Variants in ZNF587B observed in about 807,000 individuals in gnomAD.
The protein encoded by ZNF587B is zinc finger protein 587B.
In ZNF587B, 6 loss-of-function variants were observed where a neutral mutation model predicts 7.2. That is an observed-to-expected ratio of 0.83 (90% CI 0.46 to 1.65). The LOEUF is 1.65. Among genes scored for constraint, ZNF587B ranks in the 40% most tolerant of loss-of-function variants. The pLI, the probability that ZNF587B is intolerant of heterozygous loss-of-function variation, is 0.01. For synonymous variants in ZNF587B, 274 were observed against 254.3 expected, an observed-to-expected ratio of 1.08 and a Z score of -0.74; for missense variants, 749 against 761.0, an observed-to-expected ratio of 0.98 and a Z score of 0.19.
chr19:57,841,611 C>T lies in ZNF587B; in HGVS notation c.937C>T (p.Leu313Phe). 1 of 1,584,074 alleles carries T rather than the reference C, an allele frequency of 6.3e-7. No homozygotes were observed. The highest frequency in any genetic ancestry group is 2.3e-5 in the East Asian group (1 of 43,380). Residue 313 changes from leucine (L) to phenylalanine (F), a missense_variant, in exon 3 of 3, where the codon CTT becomes TTT. Physicochemically the swap from Leu to Phe is conservative, Grantham distance 22 (BLOSUM62 0). Transcript: ENST00000594901. ...CGKYFSLEGYLRRHQKVHAGK... is the reference protein window; with the variant it reads ...CGKYFSLEGYFRRHQKVHAGK... ...GAAATATTTTAGCTTAGAAGGATAT[C>T]TTAGGCGCCATCAAAAAGTTCACGC...
chr19:57,845,697 C>A lies in ZNF587B; in HGVS notation c.*3121C>A, dbSNP rs891606063. 2.0e-5 allele frequency: 3 copies of A among 152,236 alleles called. No homozygotes were observed. The highest frequency in any genetic ancestry group is 4.8e-5 in the African/African-American group (2 of 41,464). 9.4% of individuals were successfully genotyped at this position (152,236 alleles called of 1,614,324 possible). On this transcript the variant is annotated 3_prime_UTR_variant, in exon 3 of 3. Coordinates refer to ENST00000594901, the MANE Select transcript of ZNF587B (RefSeq NM_001376223.1). ...AATGATGGCAAATCTGTATTTTTCT[C>A]TTAAACCGTGTTATAAAAGCTGTAA... is the stretch of plus-strand genomic sequence containing the variant.
chr19:57,830,745 T>TTGC (rs397831297), intron 1 of ZNF587B, among the ~76,000 whole-genome samples, 181 bp downstream of exon 1: 1 of 151,596 alleles, frequency 6.6e-6, no homozygotes, highest in Non-Finnish European at 1.5e-5. Context: ...ATAGTCACTG[T>TTGC]ACCTGAGCGA....
intron 1 of ZNF587B, 34 bp downstream of exon 1, chr19:57,830,598 C>T (rs776202870): frequency 1.3e-6 from 2 of 1,548,474 alleles, no homozygotes; most frequent in Middle Eastern, 1.7e-4. Flanking sequence ...CTCAGGTCAC[C>T]TCATCATCAC....
chr19:57,843,448 A>G lies in ZNF587B; in HGVS notation c.*872A>G. The stretch of plus-strand genomic sequence containing the variant: ...GACTGCCACTTATCTGGCAAAAGCC[A>G]TTACATCTCAGCTACTTGGTAGGTA... On this transcript the variant is annotated 3_prime_UTR_variant, in exon 3 of 3. Transcript: ENST00000594901. The G allele has an allele frequency of 1.0e-6, 1 of 985,312 alleles. No homozygotes were observed. Among genetic ancestry groups the G allele is most frequent in the Non-Finnish European group, 1.2e-6 (1 of 829,930 alleles). 61.0% of individuals were successfully genotyped at this position (985,312 alleles called of 1,614,324 possible).
rs937811052 is a variant in ZNF587B, at chr19:57,845,964, T to A, written c.*3388T>A. ...GCCTGGGTGATAGAGTGAGACCCCA[T>A]CTTAAAAATAAAATAAAGATATAAA... On this transcript the variant is annotated 3_prime_UTR_variant, in exon 3 of 3. Coordinates refer to ENST00000594901, the MANE Select transcript of ZNF587B (RefSeq NM_001376223.1). 1 of 152,062 alleles carries A rather than the reference T, an allele frequency of 6.6e-6. No individual in the cohort carries two copies. Among genetic ancestry groups the A allele is most frequent in the African/African-American group, 2.4e-5 (1 of 41,418 alleles). The allele number at this position is 152,062 out of a possible 1,614,324, so 9.4% of individuals were successfully genotyped here.
intron 1 of ZNF587B, among the ~76,000 whole-genome samples, chr19:57,831,708 A>T (rs929424278): frequency 7.5e-4 from 104 of 138,110 alleles, no homozygotes; most frequent in East Asian, 4.2e-3. Context: ...TTATTTATTT[A>T]TTTTTTTTTT....
chr19:57,843,594 T>G lies in ZNF587B; in HGVS notation c.*1018T>G, dbSNP rs1187058261. On this transcript the variant is annotated 3_prime_UTR_variant, in exon 3 of 3. Transcript: ENST00000594901. ...TGGTTGGTTGGTTGGTTGGTTGTTT[T>G]TTTTTGTTTTTTTTTTTTTTTTTTT... is the stretch of plus-strand genomic sequence containing the variant. The G allele has an allele frequency of 5.9e-6, 5 of 848,280 alleles. No homozygotes were observed. In the African/African-American group the frequency reaches 8.4e-5, roughly 14 times the overall value. 52.5% of individuals were successfully genotyped at this position (848,280 alleles called of 1,614,324 possible). A position where few individuals can be genotyped will look rare whatever the true frequency, so the allele number is the denominator to read the frequency against.
intron 1 of ZNF587B, 140 bp from the exon 2 acceptor site, chr19:57,838,883 C>T: frequency 1.5e-6 from 2 of 1,348,702 alleles, no homozygotes; most frequent in Non-Finnish European, 2.0e-6. Context: ...GTGGCTGTAC[C>T]CCATGACCAG....
rs756886647 is a variant in ZNF587B at position 57,842,458 on chromosome 19, A to G, written c.1784A>G (p.Asn595Ser). The change falls in exon 3 of 3, where the codon AAT becomes AGT. Residue 595 changes from asparagine to serine, a missense_variant. This residue lies in a region of ZNF587B where 656 missense variants were observed against 596.5 expected (regional missense o/e 1.10). Transcript: ENST00000594901. ...TTTGCTGGAATCTCCAGTCTCACTA[A>G]TCACAGGAGAGTTCACACTGGAGAA... is the stretch of plus-strand genomic sequence containing the variant. The part of the protein sequence containing the change: ...KSFAGISSLT[N>S]HRRVHTGEKP... 3 of 1,600,062 alleles carry G rather than the reference A, an allele frequency of 1.9e-6. No homozygotes were observed. The highest frequency in any genetic ancestry group is 2.6e-6 in the Non-Finnish European group (3 of 1,174,650).
rs1988982655 is a variant in ZNF587B, at chr19:57,844,097, G to C, written c.*1521G>C. The stretch of plus-strand genomic sequence containing the variant: ...TTAATTCCAGATCTGGTCACAGAAG[G>C]ATTTGTTGAGTAGCCTCAGCACTTC... On this transcript the variant is annotated 3_prime_UTR_variant, in exon 3 of 3. Transcript: ENST00000594901. Among the ~76,000 whole-genome samples, 1 of 152,114 alleles carries C rather than the reference G, an allele frequency of 6.6e-6. No homozygotes were observed. The highest frequency in any genetic ancestry group is 2.4e-5 in the African/African-American group (1 of 41,434).
intron 1 of ZNF587B, among the ~76,000 whole-genome samples, chr19:57,832,003 G>T (rs1271765803): frequency 1.3e-5 from 2 of 152,128 alleles, no homozygotes; most frequent in Non-Finnish European, 2.9e-5. Flanking sequence ...ACCGTGCCTG[G>T]CTGTCTTTAT....
chr19:57,840,845 G>A lies in ZNF587B; in HGVS notation c.171G>A (p.Trp57Ter). Residue 57 changes from tryptophan (W) to a stop codon, truncating the protein, a stop_gained, in exon 3 of 3, where the codon TGG becomes TGA. Transcript: ENST00000594901. LOFTEE classifies it low-confidence loss of function (END_TRUNC). ...NLALMSSLGC[W>*]CGVEDEAAPS... ...GCATTTTCTTGCTTTCAGGTTGTTGGTGTGGAGTGGAAGATGAGGCGGCAC... is the reference window on the plus strand; with the variant it reads ...GCATTTTCTTGCTTTCAGGTTGTTGATGTGGAGTGGAAGATGAGGCGGCAC... 1 of 1,542,540 alleles carries A rather than the reference G, an allele frequency of 6.5e-7. No homozygotes were observed. The highest frequency in any genetic ancestry group is 8.7e-7 in the Non-Finnish European group (1 of 1,149,378).
At chr19:57,832,541 G>A (rs557809191) in intron 1 of ZNF587B, among the ~76,000 whole-genome samples, 26 of 152,270 alleles carry the variant, frequency 1.7e-4, no homozygotes, top group Admixed American at 5.9e-4. Context: ...TCCAGGATTC[G>A]TCTTTGGTGC....
chr19:57,834,822 G>C (rs1409846351), intron 1 of ZNF587B, among the ~76,000 whole-genome samples: 1 of 129,708 alleles, frequency 7.7e-6, no homozygotes, highest in Non-Finnish European at 1.7e-5. Context: ...TCCAGCCCTG[G>C]TGACAGAGCG....
At chr19:57,831,540 G>A (rs1309476302) in intron 1 of ZNF587B, among the ~76,000 whole-genome samples, 5 of 148,916 alleles carry the variant, frequency 3.4e-5, no homozygotes, top group Non-Finnish European at 5.9e-5. Flanking sequence ...TTACAGGCAT[G>A]CGCCACTGCA....
chr19:57,833,581 CTG>C (rs1409906269), intron 1 of ZNF587B, among the ~76,000 whole-genome samples: 2 of 151,856 alleles, frequency 1.3e-5, no homozygotes, highest in African/African-American at 4.8e-5. Context: ...ACTTTTTCCT[CTG>C]TTATTCTCAA....
rs551010745 is a variant in ZNF587B, at chr19:57,845,233, G to A, written c.*2657G>A. On this transcript the variant is annotated 3_prime_UTR_variant, in exon 3 of 3. Transcript: ENST00000594901. ...GAGCTCAGGTGATCTGCTCACCTCC[G>A]CCTTCCAAAGTGCTGGGACTACAGG... The A allele has an allele frequency of 1.4e-4, 22 of 152,264 alleles. No individual in the cohort carries two copies. Among genetic ancestry groups the A allele is most frequent in the Admixed American group, 1.2e-3 (19 of 15,292 alleles). 9.4% of individuals were successfully genotyped at this position (152,264 alleles called of 1,614,324 possible). A position where few individuals can be genotyped will look rare whatever the true frequency, so the allele number is the denominator to read the frequency against.
rs1988647128 is a variant in ZNF587B at position 57,837,150 on chromosome 19, A to T, written c.37-1873A>T. Among the ~76,000 whole-genome samples, 3 of 152,152 alleles carry T rather than the reference A, an allele frequency of 2.0e-5. No individual in the cohort carries two copies. The South Asian group carries it at 6.2e-4, about 32-fold the overall frequency. On this transcript the variant is annotated intron_variant, in intron 1 of 2. Coordinates refer to ENST00000594901, the MANE Select transcript of ZNF587B (RefSeq NM_001376223.1). Reference sequence around the variant, plus strand: ...GCCATTACACTCTCTTCATCTTACAAAGCTTGCATGCCATGGCCGTGGTTG... The same window carrying T: ...GCCATTACACTCTCTTCATCTTACATAGCTTGCATGCCATGGCCGTGGTTG...
chr19:57,830,665 C>T (rs1383267514), intron 1 of ZNF587B, 101 bp downstream of exon 1: 33 of 1,365,474 alleles, frequency 2.4e-5, no homozygotes, highest in Non-Finnish European at 3.3e-5. Context: ...CCATAGGCAG[C>T]AGATGCTGAG....
Sources: allele counts gnomAD v4.1 joint callset (sites outside exome capture counted in the v4.1 genomes callset), GRCh38; gene constraint gnomAD v4.1.1; regional missense constraint gnomAD v4.1.1; transcripts MANE v1.5; gene names NCBI Gene and HGNC (gene_info 2026-07-23, HGNC 2026-07-21).